LRTM3: variants seen among roughly 807,000 people sequenced by gnomAD.
The protein encoded by LRTM3 is leucine rich repeat transmembrane protein 3.
chr13:102,747,357 T>C, the LRTM3 span: 2 of 1,550,508 alleles, frequency 1.3e-6, no homozygotes, highest in Non-Finnish European at 1.7e-6. Context: ...CCCATTTTTT[T>C]CCTGTGGTTT....
the LRTM3 span, chr13:102,734,883 CTTCCTTG>C: frequency 3.2e-5 from 49 of 1,551,040 alleles, no homozygotes; most frequent in Non-Finnish European, 4.3e-5. Flanking sequence ...ACGTCATCCT[CTTCCTTG>C]TTCTGTGACA....
the LRTM3 span, among the ~76,000 whole-genome samples, chr13:102,753,121 C>T: frequency 9.3e-4 from 141 of 152,284 alleles, no homozygotes; most frequent in African/African-American, 3.2e-3. Context: ...CACATATACA[C>T]CATGGAATAC....
At chr13:102,734,879 T>TC in the LRTM3 span, 3 of 1,551,144 alleles carry the variant, frequency 1.9e-6, no homozygotes, top group Non-Finnish European at 2.6e-6. Flanking sequence ...TTGCACGTCA[T>TC]CCTCTTCCTT....
chr13:102,734,250 C>A, the LRTM3 span: 1 of 1,551,410 alleles, frequency 6.4e-7, no homozygotes. Flanking sequence ...CCTTTTCTTA[C>A]ATCACCACTC....
the LRTM3 span, chr13:102,746,373 T>G: frequency 7.7e-6 from 12 of 1,550,844 alleles, no homozygotes; most frequent in African/African-American, 1.4e-4. Flanking sequence ...TCAGTGTATG[T>G]CTTATCTGCT....
chr13:102,734,955 A>T, the LRTM3 span: 1 of 1,551,158 alleles, frequency 6.4e-7, no homozygotes, highest in East Asian at 2.4e-5. Flanking sequence ...GGCCTTATAC[A>T]TGTGCCTCCC....
chr13:102,747,523 G>A, the LRTM3 span: 1 of 1,550,706 alleles, frequency 6.4e-7, no homozygotes, highest in South Asian at 1.2e-5. Flanking sequence ...AGTGGTTATT[G>A]AAAGACCCCA....
chr13:102,739,133 C>T, the LRTM3 span: 1 of 1,550,296 alleles, frequency 6.5e-7, no homozygotes, highest in South Asian at 1.2e-5. Flanking sequence ...AATAGAAGCA[C>T]AGAGTTTATT....
chr13:102,744,954 C>G, the LRTM3 span: 1 of 1,550,708 alleles, frequency 6.4e-7, no homozygotes, highest in Non-Finnish European at 8.7e-7. Flanking sequence ...CGTTTTATTG[C>G]ACCAGTTAAA....
At chr13:102,734,573 AT>A in the LRTM3 span, 47 of 1,545,080 alleles carry the variant, frequency 3.0e-5, no homozygotes, top group African/African-American at 1.1e-4. Flanking sequence ...CATATCGATT[AT>A]TTTTTTTTGG....
chr13:102,740,234 C>A, the LRTM3 span: 1 of 1,549,168 alleles, frequency 6.5e-7, no homozygotes, highest in East Asian at 2.4e-5. Flanking sequence ...AAATAAGAGA[C>A]TTGCATATTT....
chr13:102,755,834 T>TA, the LRTM3 span, among the ~76,000 whole-genome samples: 28 of 145,050 alleles, frequency 1.9e-4, no homozygotes, highest in Admixed American at 1.4e-3. Context: ...TGGTTAAAAA[T>TA]AAAAAAATAC....
the LRTM3 span, chr13:102,733,648 CT>C: frequency 6.4e-7 from 1 of 1,551,276 alleles, no homozygotes. Flanking sequence ...CAGGCTGAGC[CT>C]TTTTCCCTGT....
the LRTM3 span, chr13:102,747,420 C>T: frequency 6.5e-7 from 1 of 1,548,264 alleles, no homozygotes; most frequent in South Asian, 1.2e-5. Flanking sequence ...GGCTTCTTTA[C>T]TTTCATAATT....
chr13:102,732,022 T>C, the LRTM3 span: 1 of 1,551,438 alleles, frequency 6.4e-7, no homozygotes. Context: ...GGTTTGCTTC[T>C]GATTTGACAT....
chr13:102,736,902 A>G, the LRTM3 span: 1 of 1,551,108 alleles, frequency 6.4e-7, no homozygotes, highest in Non-Finnish European at 8.7e-7. Context: ...ATGTGCCATG[A>G]GGGTGGAAGA....
At chr13:102,746,869 A>G in the LRTM3 span, 41 of 1,551,348 alleles carry the variant, frequency 2.6e-5, 1 homozygote, top group African/African-American at 5.3e-4. Context: ...CTGAATCTGC[A>G]GTGCATTTGC....
At chr13:102,733,416 C>T in the LRTM3 span, 23 of 1,551,168 alleles carry the variant, frequency 1.5e-5, no homozygotes, top group East Asian at 3.4e-4. Context: ...TGCTGGTGAG[C>T]GTATCTCTCT....
the LRTM3 span, chr13:102,747,376 A>G: frequency 1.3e-6 from 2 of 1,550,240 alleles, no homozygotes; most frequent in East Asian, 4.9e-5. Flanking sequence ...TTGAAGTACC[A>G]CATATATTAA....
Sources: gnomAD v4.1 joint callset for allele counts (sites outside exome capture counted in the v4.1 genomes callset) on GRCh38, gnomAD v4.1.1 for gene constraint, MANE v1.5 for transcripts, NCBI Gene and HGNC (gene_info 2026-07-23, HGNC 2026-07-21) for gene names.